CRTC1: variants seen among roughly 807,000 people sequenced by gnomAD.
CRTC1 encodes CREB regulated transcription coactivator 1.
CRTC1 carries 18 observed loss-of-function variants against 66.1 expected under a neutral mutation model. The observed-to-expected ratio is 0.27, with a 90% confidence interval of 0.19 to 0.40. CRTC1 has a LOEUF of 0.40. Among genes scored for constraint, CRTC1 ranks in the 10% least tolerant of loss-of-function variants. The pLI is 1.00. For missense variants in CRTC1, 669 were observed against 887.9 expected (o/e 0.75, Z 3.13); for synonymous variants, 416 against 398.8 (o/e 1.04, Z -0.51).
chr19:18,709,084 C>T (rs2053331496), intron 1 of CRTC1, among the ~76,000 whole-genome samples: 1 of 152,170 alleles, frequency 6.6e-6, no homozygotes, highest in South Asian at 2.1e-4. Flanking sequence ...GGTCCCAGGG[C>T]TGTTTCTGGA....
chr19:18,718,003 T>C (rs1024519579), intron 1 of CRTC1, among the ~76,000 whole-genome samples: 2 of 152,172 alleles, frequency 1.3e-5, no homozygotes, highest in Non-Finnish European at 2.9e-5. Context: ...ATTGTTGAGG[T>C]GAACACCACA....
At chr19:18,705,278 T>G (rs1293285924) in intron 1 of CRTC1, among the ~76,000 whole-genome samples, 1 of 152,134 alleles carries the variant, frequency 6.6e-6, no homozygotes, top group African/African-American at 2.4e-5. Flanking sequence ...ATAATTTTTT[T>G]GGGTATATTC....
intron 1 of CRTC1, among the ~76,000 whole-genome samples, chr19:18,733,087 TA>T (rs113328472): frequency 5.4e-3 from 776 of 142,926 alleles, no homozygotes; most frequent in South Asian, 0.013. Context: ...ACCTGTCTCT[TA>T]AAAAAAAAAA....
chr19:18,689,434 C>CT (rs113447997), intron 1 of CRTC1, among the ~76,000 whole-genome samples: 821 of 49,754 alleles, frequency 0.017, 50 homozygotes, highest in Middle Eastern at 0.066. Context: ...CTTTTTCTTT[C>CT]TTTTTTTTTT....
intron 1 of CRTC1, among the ~76,000 whole-genome samples, chr19:18,739,549 C>T (rs932685294): frequency 1.3e-5 from 2 of 152,186 alleles, no homozygotes; most frequent in Admixed American, 6.5e-5. Context: ...TGGATTCCGC[C>T]GGCAGGCGCT....
At chr19:18,752,641 C>G (rs564936786) in intron 5 of CRTC1, among the ~76,000 whole-genome samples, 1 of 150,656 alleles carries the variant, frequency 6.6e-6, no homozygotes, top group African/African-American at 2.4e-5. Context: ...GTCTCTCTTT[C>G]TTTCTTTTTT....
intron 8 of CRTC1, among the ~76,000 whole-genome samples, chr19:18,763,810 C>T (rs901982329): frequency 3.3e-5 from 5 of 152,220 alleles, no homozygotes; most frequent in African/African-American, 1.2e-4. Flanking sequence ...TTGTACCGAG[C>T]CCGACCTCTG....
Position 18,779,353 on chromosome 19 carries a change from C to T in CRTC1, c.*1971C>T, listed in dbSNP as rs2055059169. The T allele has an allele frequency of 4.4e-6, 1 of 227,030 alleles. No individual in the cohort carries two copies. 14.1% of individuals were successfully genotyped at this position (227,030 alleles called of 1,614,324 possible). ...GAGAAGGCTCCCTGGTCACGTTGCTCCTGCTGCCGTCTTGTTCCAAGGTGC... is the reference window on the plus strand; with the variant it reads ...GAGAAGGCTCCCTGGTCACGTTGCTTCTGCTGCCGTCTTGTTCCAAGGTGC... On this transcript the variant is annotated 3_prime_UTR_variant, in exon 14 of 14. Coordinates refer to ENST00000321949, the MANE Select transcript of CRTC1 (RefSeq NM_015321.3).
intron 3 of CRTC1, 82 bp downstream of exon 3, chr19:18,746,042 G>A: frequency 2.0e-6 from 3 of 1,510,222 alleles, no homozygotes; most frequent in Non-Finnish European, 2.7e-6. Flanking sequence ...AGCAGGTTCT[G>A]ACAGGGCTGC....
At chr19:18,722,268 C>T (rs1420056404) in intron 1 of CRTC1, among the ~76,000 whole-genome samples, 5 of 152,174 alleles carry the variant, frequency 3.3e-5, no homozygotes, top group South Asian at 2.1e-4. Flanking sequence ...GGGGTGTGGA[C>T]GCAGGCCACA....
chr19:18,750,015 G>A (rs2054328697), intron 5 of CRTC1, 140 bp downstream of exon 5: 1 of 702,970 alleles, frequency 1.4e-6, no homozygotes, highest in Admixed American at 2.3e-5. Flanking sequence ...TCGGGGGAGG[G>A]GATCGGAAAC....
intron 1 of CRTC1, among the ~76,000 whole-genome samples, chr19:18,724,088 C>T (rs1250436132): frequency 4.6e-5 from 7 of 152,166 alleles, no homozygotes; most frequent in African/African-American, 7.2e-5. Flanking sequence ...AGAGCGACAC[C>T]GTGAGCCCAG....
chr19:18,746,988 G>C (rs1305761907), intron 3 of CRTC1, 65 bp from the exon 4 acceptor site: 23 of 1,516,554 alleles, frequency 1.5e-5, no homozygotes, highest in Non-Finnish European at 2.0e-5. Context: ...TCCTGCCCTG[G>C]GCTGAGAGTG....
At position 18,768,689 on chromosome 19, in the gene CRTC1, C is replaced by T. The variant is rs758093118; in HGVS notation, c.1216C>T (p.Arg406Cys). The T allele has an allele frequency of 1.0e-5, 16 of 1,578,612 alleles. No individual in the cohort carries two copies. Among genetic ancestry groups the T allele is most frequent in the Non-Finnish European group, 1.3e-5 (15 of 1,163,654 alleles). ...GPLLPSASLT[R>C]GPQPPPLAVT... ...CCTGTTGCCCAGCGCCAGCCTGACT[C>T]GTGGGCCACAGCCGCCCCCGCTTGC... The change falls in exon 10 of 14, where the codon CGT becomes TGT. Residue 406 changes from arginine (R) to cysteine (C), a missense_variant. Arg to Cys is a radical substitution (Grantham distance 180, BLOSUM62 -3). Around this residue, in one of 8 missense-constraint regions of CRTC1, gnomAD observed 241 missense variants for 242.2 expected, o/e 0.99. Transcript: ENST00000321949. This position sits in a 1 kb window ranked among gnomAD's most constrained non-coding sequence, Gnocchi z 5.6.
intron 6 of CRTC1, among the ~76,000 whole-genome samples, chr19:18,755,973 GTC>G (rs2054475399): frequency 6.6e-6 from 1 of 151,980 alleles, no homozygotes; most frequent in Non-Finnish European, 1.5e-5. Flanking sequence ...CCTGGGCTCG[GTC>G]TCTGTGTTTC....
chr19:18,761,110 C>T (rs907094753), intron 8 of CRTC1, among the ~76,000 whole-genome samples: 4 of 152,200 alleles, frequency 2.6e-5, no homozygotes, highest in Non-Finnish European at 4.4e-5. Flanking sequence ...AGTCCTTCCT[C>T]TCCAGGAGGC....
At chr19:18,761,880 T>C (rs1249306172) in intron 8 of CRTC1, among the ~76,000 whole-genome samples, 2 of 152,026 alleles carry the variant, frequency 1.3e-5, no homozygotes, top group East Asian at 3.9e-4. Flanking sequence ...CCGAGCGCAT[T>C]GAGGCTGCAT....
At chr19:18,725,015 G>A (rs921211386) in intron 1 of CRTC1, among the ~76,000 whole-genome samples, 5 of 151,956 alleles carry the variant, frequency 3.3e-5, no homozygotes, top group East Asian at 2.0e-4. Flanking sequence ...ACCCAGGAGC[G>A]CTCCTGTTGG....
In CRTC1 at chr19:18,779,955, CA is replaced by C. The variant is rs1321153292; in HGVS notation, c.*2574del. The C allele has an allele frequency of 1.3e-5, 3 of 229,276 alleles. No homozygotes were observed. The Admixed American group carries it at 1.7e-4, about 13-fold the overall frequency. 14.2% of individuals were successfully genotyped at this position (229,276 alleles called of 1,614,324 possible). ...CCCTCCTGGACCTGGGCGGGCCTCC[CA>C]GGGGGTCTGTATCACGGCCTTTTGT... is the stretch of plus-strand genomic sequence containing the variant. On this transcript the variant is annotated 3_prime_UTR_variant, in exon 14 of 14. Transcript: ENST00000321949.
Sources: allele counts gnomAD v4.1 joint callset (sites outside exome capture counted in the v4.1 genomes callset), GRCh38; gene constraint gnomAD v4.1.1; regional missense constraint gnomAD v4.1.1; non-coding constraint Gnocchi (gnomAD v3.1); transcripts MANE v1.5; gene names NCBI Gene and HGNC (gene_info 2026-07-23, HGNC 2026-07-21).